Variants in GABRG3 observed in about 807,000 individuals in gnomAD.
GABRG3 encodes the protein gamma-aminobutyric acid type A receptor subunit gamma3, also known as gamma-aminobutyric acid receptor subunit gamma-3.
In GABRG3, 25 loss-of-function variants were observed where a neutral mutation model predicts 48.8. The observed-to-expected ratio is 0.51, with a 90% CI of 0.37 to 0.72. The LOEUF is 0.72. Ranked by LOEUF, GABRG3 falls within the 30% of genes least tolerant of loss-of-function variation. GABRG3 has a pLI of 0.00. For missense variants in GABRG3, 394 were observed against 577.9 expected, an observed-to-expected ratio of 0.68 and a Z score of 3.26; for synonymous variants, 227 against 217.6, an observed-to-expected ratio of 1.04 and a Z score of -0.38.
chr15:27,193,625 C>T (rs1888403001), intron 3 of GABRG3, among the ~76,000 whole-genome samples: 1 of 152,192 alleles, frequency 6.6e-6, no homozygotes, highest in Non-Finnish European at 1.5e-5. Flanking sequence ...TGTCTGTCAC[C>T]CCTTTCTTTG....
intron 5 of GABRG3, among the ~76,000 whole-genome samples, chr15:27,423,242 TA>T (rs58007397): frequency 0.08 from 5,982 of 74,758 alleles, 176 homozygotes; most frequent in African/African-American, 0.093. Flanking sequence ...GTCATTATGA[TA>T]AAAAAAAAAA....
intron 2 of GABRG3, among the ~76,000 whole-genome samples, chr15:27,003,041 C>T (rs986517410): frequency 6.6e-6 from 1 of 151,736 alleles, no homozygotes; most frequent in South Asian, 2.1e-4. Context: ...GAAACTATCA[C>T]ATGTGAATAT....
chr15:27,413,521 C>T (rs564717389), intron 5 of GABRG3, among the ~76,000 whole-genome samples: 4 of 152,244 alleles, frequency 2.6e-5, no homozygotes, highest in East Asian at 3.9e-4. Context: ...ATGTAGCACA[C>T]GAAAAATCAT....
Position 27,532,968 on chromosome 15 carries a change from G to T in GABRG3, c.*87G>T. ...GACCAGTAGTGACCAATCGGGAGTA[G>T]CAAGGAAGGACACTGCCCAGTGTAT... is the stretch of plus-strand genomic sequence containing the variant. On this transcript the variant is annotated 3_prime_UTR_variant, in exon 10 of 10. Coordinates refer to ENST00000615808, the MANE Select transcript of GABRG3 (RefSeq NM_033223.5). The T allele has an allele frequency of 7.8e-7, 1 of 1,278,156 alleles. No homozygotes were observed. The highest frequency in any genetic ancestry group is 1.1e-6 in the Non-Finnish European group (1 of 921,272). The allele number at this position is 1,278,156 out of a possible 1,614,324, so 79.2% of individuals were successfully genotyped here.
At chr15:27,328,417 C>T (rs1008745410) in intron 4 of GABRG3, among the ~76,000 whole-genome samples, 2 of 152,214 alleles carry the variant, frequency 1.3e-5, no homozygotes, top group Non-Finnish European at 2.9e-5. Flanking sequence ...CCCCCCGATG[C>T]GTGCATTAAT....
intron 5 of GABRG3, among the ~76,000 whole-genome samples, chr15:27,392,126 C>T (rs1887152029): frequency 6.6e-6 from 1 of 152,164 alleles, no homozygotes. Context: ...TCCCCATTAT[C>T]CCCACTGTTA....
At chr15:27,321,722 G>T (rs1166045604) in intron 3 of GABRG3, among the ~76,000 whole-genome samples, 1 of 152,184 alleles carries the variant, frequency 6.6e-6, no homozygotes, top group Non-Finnish European at 1.5e-5. Context: ...CCTGCAACCA[G>T]AATCTCAAGG....
intron 3 of GABRG3, among the ~76,000 whole-genome samples, chr15:27,311,641 G>GAA (rs919640224): frequency 1.4e-4 from 20 of 147,356 alleles, no homozygotes; most frequent in African/African-American, 4.2e-4. Context: ...TGGGGATAGG[G>GAA]AAAAAAAAAA....
chr15:27,500,767 GA>G (rs1890603503), intron 6 of GABRG3, among the ~76,000 whole-genome samples: 1 of 151,840 alleles, frequency 6.6e-6, no homozygotes, highest in Non-Finnish European at 1.5e-5. Flanking sequence ...ACCACAGTCT[GA>G]TCATCTGCAT....
At chr15:27,362,551 T>G (rs1895058843) in intron 5 of GABRG3, 1 of 152,234 alleles carries the variant, frequency 6.6e-6, no homozygotes, top group Non-Finnish European at 1.5e-5. Context: ...AAAACTACAC[T>G]GAAAGCCCTT....
Position 27,538,424 on chromosome 15 carries a change from A to G in GABRG3, c.*5543A>G, listed in dbSNP as rs1054421133. 1.3e-5 allele frequency: 2 copies of G among 152,238 alleles called. No individual in the cohort carries two copies. The highest frequency in any genetic ancestry group is 4.8e-5 in the African/African-American group (2 of 41,460). 9.4% of individuals were successfully genotyped at this position (152,238 alleles called of 1,614,324 possible). A position where few individuals can be genotyped will look rare whatever the true frequency, so the allele number is the denominator to read the frequency against. On this transcript the variant is annotated 3_prime_UTR_variant, in exon 10 of 10. Transcript: ENST00000615808. ...ATGTTCTCACACACACACCACTTCC[A>G]AAACAGACATGATTTGAATGTAGCA...
At position 27,326,868 on chromosome 15, in the gene GABRG3, C is replaced by T. The variant is rs1424075231; in HGVS notation, c.330C>T (p.Asn110=). 3 of 1,614,014 alleles carry T rather than the reference C, an allele frequency of 1.9e-6. No individual in the cohort carries two copies. The highest frequency in any genetic ancestry group is 1.1e-5 in the South Asian group (1 of 91,082). The change falls in exon 4 of 10, where the codon AAC becomes AAT. Residue 110 remains asparagine (N), a synonymous_variant. Transcript: ENST00000615808. ...GGACAGATAGTCGCCTTCGATTCAA[C>T]AGCACAATGAAAATTCTTACTCTGA... The part of the protein sequence containing the change: ...QTWTDSRLRF[N]STMKILTLNS...
At chr15:27,238,750 G>A (rs561769354) in intron 3 of GABRG3, among the ~76,000 whole-genome samples, 7 of 152,302 alleles carry the variant, frequency 4.6e-5, no homozygotes, top group Admixed American at 2.0e-4. Flanking sequence ...TCACTTAAGA[G>A]TTTGTTTTCT....
chr15:27,022,543 G>A (rs1330887169), intron 2 of GABRG3, among the ~76,000 whole-genome samples: 3 of 152,180 alleles, frequency 2.0e-5, no homozygotes, highest in African/African-American at 4.8e-5. Flanking sequence ...TACCTGTCAA[G>A]TCCCAAAGGA....
At chr15:27,128,161 A>G (rs1897853693) in intron 3 of GABRG3, among the ~76,000 whole-genome samples, 1 of 152,208 alleles carries the variant, frequency 6.6e-6, no homozygotes, top group Middle Eastern at 3.2e-3. Context: ...CAGGAATTCA[A>G]AATCAGCCTG....
intron 5 of GABRG3, among the ~76,000 whole-genome samples, chr15:27,422,212 T>TG (rs1409329745): frequency 6.6e-6 from 1 of 152,044 alleles, no homozygotes; most frequent in Non-Finnish European, 1.5e-5. Context: ...GGGAATGGGC[T>TG]ATAAATCCAC....
chr15:27,020,707 G>A (rs1011623059), intron 2 of GABRG3, among the ~76,000 whole-genome samples: 6 of 152,066 alleles, frequency 3.9e-5, no homozygotes, highest in East Asian at 3.9e-4. Flanking sequence ...TTGAGCCACC[G>A]CGCCCGGCCT....
intron 5 of GABRG3, among the ~76,000 whole-genome samples, chr15:27,405,927 G>T (rs1246211811): frequency 6.6e-6 from 1 of 152,076 alleles, no homozygotes; most frequent in African/African-American, 2.4e-5. Context: ...GTAAGAAAAT[G>T]TTAAAAGACA....
At chr15:27,293,826 C>A (rs763568103) in intron 3 of GABRG3, among the ~76,000 whole-genome samples, 2 of 152,198 alleles carry the variant, frequency 1.3e-5, no homozygotes, top group Non-Finnish European at 2.9e-5. Flanking sequence ...CCAGATACTA[C>A]TTTCCATTCT....
Sources: allele counts gnomAD v4.1 joint callset (sites outside exome capture counted in the v4.1 genomes callset), GRCh38; gene constraint gnomAD v4.1.1; transcripts MANE v1.5; gene names NCBI Gene and HGNC (gene_info 2026-07-23, HGNC 2026-07-21).